VIPR2: variants seen among roughly 807,000 people sequenced by gnomAD.
The protein encoded by VIPR2 is vasoactive intestinal polypeptide receptor 2.
VIPR2 carries 48 observed loss-of-function variants against 58.0 expected under a neutral mutation model. The ratio of observed to expected loss-of-function variants is 0.83; its 90% CI spans 0.66 to 1.05. VIPR2 has a LOEUF of 1.05. VIPR2 is among the 50% of genes least tolerant of loss of function. VIPR2 has a pLI of 0.00. For missense variants in VIPR2, 534 were observed against 558.0 expected, an observed-to-expected ratio of 0.96 and a Z score of 0.43; for synonymous variants, 243 against 235.2, an observed-to-expected ratio of 1.03 and a Z score of -0.30.
intron 5 of VIPR2, among the ~76,000 whole-genome samples, chr7:159,050,662 A>T (rs1302189899): frequency 2.6e-5 from 4 of 152,128 alleles, no homozygotes; most frequent in Non-Finnish European, 4.4e-5. Flanking sequence ...AAAAATAGTA[A>T]TATAATACAT....
At chr7:159,125,753 C>G (rs1585548482) in intron 2 of VIPR2, among the ~76,000 whole-genome samples, 1 of 152,142 alleles carries the variant, frequency 6.6e-6, no homozygotes, top group East Asian at 1.9e-4. Flanking sequence ...TCCTGGACAC[C>G]TGGTGTCAGC....
At chr7:159,105,162 A>T (rs1028738512) in intron 3 of VIPR2, among the ~76,000 whole-genome samples, 2 of 152,180 alleles carry the variant, frequency 1.3e-5, no homozygotes, top group African/African-American at 4.8e-5. Flanking sequence ...AAGCTCTCGA[A>T]GGTGTCCGAG....
Position 159,058,545 on chromosome 7 carries a change from T to C in VIPR2, c.391A>G (p.Thr131Ala). Residue 131 changes from threonine to alanine, a missense_variant, in exon 5 of 13, where the codon ACA (threonine) becomes GCA (alanine). Thr to Ala is a moderately conservative substitution (Grantham distance 58). Coordinates refer to ENST00000262178, the MANE Select transcript of VIPR2 (RefSeq NM_003382.5). ...TFYILVKAIYTLGYSVSLMSL... is the reference protein window; with the variant it reads ...TFYILVKAIYALGYSVSLMSL... The stretch of plus-strand genomic sequence containing the variant: ...ATCAGAGAGACACTGTAGCCCAGTG[T>C]ATAAATGGCCTTCACCAGAATATAA... 4.3e-6 allele frequency: 7 copies of C among 1,613,292 alleles called. No individual in the cohort carries two copies. The highest frequency in any genetic ancestry group is 5.9e-6 in the Non-Finnish European group (7 of 1,179,348).
Position 159,098,491 on chromosome 7 carries a change from T to A in VIPR2, c.357+5266A>T, listed in dbSNP as rs1857999107. Among the ~76,000 whole-genome samples the A allele has an allele frequency of 6.6e-6, 1 of 152,130 alleles. No individual in the cohort carries two copies. The highest frequency in any genetic ancestry group is 6.5e-5 in the Admixed American group (1 of 15,274). On this transcript the variant is annotated intron_variant, in intron 4 of 12. Transcript: ENST00000262178. The surrounding 1 kb of genome is among the most constrained non-coding windows in gnomAD (Gnocchi z 5.2). ...GGAAGACCTTGGACAGGGAGACTGA[T>A]CCCTGGCTGGCTTATCTGCTTCAGG...
Position 159,095,352 on chromosome 7 carries a change from G to T in VIPR2, c.357+8405C>A, listed in dbSNP as rs1006493974. Among the ~76,000 whole-genome samples, 1 of 152,192 alleles carries T rather than the reference G, an allele frequency of 6.6e-6. No homozygotes were observed. Among genetic ancestry groups the T allele is most frequent in the African/African-American group, 2.4e-5 (1 of 41,460 alleles). ...TGTGCTGCACACACCCAGTGTGAGG[G>T]CCGGGCAAATGCTCACAGCCGGTGA... On this transcript the variant is annotated intron_variant, in intron 4 of 12. Coordinates refer to ENST00000262178, the MANE Select transcript of VIPR2 (RefSeq NM_003382.5). The surrounding 1 kb of genome is among the most constrained non-coding windows in gnomAD (Gnocchi z 5.2).
chr7:159,079,461 A>T (rs1247351998), intron 4 of VIPR2, among the ~76,000 whole-genome samples: 1 of 152,198 alleles, frequency 6.6e-6, no homozygotes, highest in African/African-American at 2.4e-5. Context: ...TCTGGGACAC[A>T]TTCAAAGCAG....
chr7:159,083,199 C>T (rs969823794), intron 4 of VIPR2, among the ~76,000 whole-genome samples: 2 of 152,232 alleles, frequency 1.3e-5, no homozygotes, highest in Middle Eastern at 3.2e-3. Flanking sequence ...GCAGCCTTGA[C>T]ACTCACTGGG....
At chr7:159,046,591 G>A (rs576941797) in intron 5 of VIPR2, among the ~76,000 whole-genome samples, 9 of 152,220 alleles carry the variant, frequency 5.9e-5, no homozygotes, top group Non-Finnish European at 1.2e-4. Flanking sequence ...GGAAGTTCGG[G>A]AACTAGCTAA....
At position 159,090,982 on chromosome 7, in the gene VIPR2, T is replaced by C. The variant is rs1420220047; in HGVS notation, c.357+12775A>G. 7.1e-4 allele frequency among the ~76,000 whole-genome samples: 47 copies of C among 66,158 alleles called. 3 individuals are homozygous for C. Among genetic ancestry groups the C allele is most frequent in the African/African-American group, 2.1e-3 (39 of 18,424 alleles). 43.4% of individuals were successfully genotyped at this position (66,158 alleles called of 152,430 possible). On this transcript the variant is annotated intron_variant, in intron 4 of 12. Transcript: ENST00000262178. Reference sequence around the variant, plus strand: ...CACAGGGGCCACCTCCTGCGACCATTGCAATCCCCGGTGACCTCAGCACAG... The same window carrying C: ...CACAGGGGCCACCTCCTGCGACCATCGCAATCCCCGGTGACCTCAGCACAG...
intron 10 of VIPR2, 128 bp downstream of exon 10, chr7:159,034,085 C>T: frequency 1.2e-6 from 1 of 850,226 alleles, no homozygotes. Flanking sequence ...CCCTGGGGCC[C>T]AGCCTCGAGG....
At chr7:159,079,033 A>C (rs1472874189) in intron 4 of VIPR2, among the ~76,000 whole-genome samples, 2 of 152,148 alleles carry the variant, frequency 1.3e-5, no homozygotes, top group Non-Finnish European at 2.9e-5. Flanking sequence ...TGAAGCCTTC[A>C]GTGTCCATGG....
At position 159,109,847 on chromosome 7, in the gene VIPR2, C is replaced by T. The variant is rs1795921701; in HGVS notation, c.224G>A (p.Cys75Tyr). The T allele has an allele frequency of 6.2e-7, 1 of 1,614,202 alleles. No individual in the cohort carries two copies. Among genetic ancestry groups the T allele is most frequent in the Non-Finnish European group, 8.5e-7 (1 of 1,180,044 alleles). ...ANVGETVTVPCPKVFSNFYSK... is the reference protein window; with the variant it reads ...ANVGETVTVPYPKVFSNFYSK... The stretch of plus-strand genomic sequence containing the variant: ...GTAAAAATTGCTGAAGACTTTTGGG[C>T]AGGGCACCGTGACGGTCTCTCCCAC... The change falls in exon 3 of 13, where the codon TGC becomes TAC. Residue 75 changes from cysteine (C) to tyrosine (Y), a missense_variant. Coordinates refer to ENST00000262178, the MANE Select transcript of VIPR2 (RefSeq NM_003382.5).
At chr7:159,086,329 T>C (rs554374030) in intron 4 of VIPR2, among the ~76,000 whole-genome samples, 4 of 152,286 alleles carry the variant, frequency 2.6e-5, no homozygotes, top group South Asian at 2.1e-4. Flanking sequence ...TGGAGTCCTA[T>C]GAAAATCAGA....
rs1406991496 is a variant in VIPR2, at chr7:159,093,611, G to A, written c.357+10146C>T. ...TCAGGATCCGAGATGGGAGCGAGGAGCTGTTCCACCCACAACAAGCAGGTG... is the reference window on the plus strand; with the variant it reads ...TCAGGATCCGAGATGGGAGCGAGGAACTGTTCCACCCACAACAAGCAGGTG... On this transcript the variant is annotated intron_variant, in intron 4 of 12. Coordinates refer to ENST00000262178, the MANE Select transcript of VIPR2 (RefSeq NM_003382.5). This position sits in a 1 kb window ranked among gnomAD's most constrained non-coding sequence, Gnocchi z 6.7. Among the ~76,000 whole-genome samples the A allele has an allele frequency of 6.6e-5, 10 of 152,194 alleles. No individual in the cohort carries two copies. The highest frequency in any genetic ancestry group is 6.5e-4 in the Admixed American group (10 of 15,278).
chr7:159,058,335 A>G, intron 5 of VIPR2, 146 bp downstream of exon 5: 1 of 671,396 alleles, frequency 1.5e-6, no homozygotes, highest in Non-Finnish European at 2.6e-6. Context: ...GTAAATGTTA[A>G]CATCATATTT....
In VIPR2 at chr7:159,096,787, C is replaced by G; in HGVS notation, c.357+6970G>C. 1 of 1,424,994 alleles carries G rather than the reference C, an allele frequency of 7.0e-7. No individual in the cohort carries two copies. The highest frequency in any genetic ancestry group is 9.2e-7 in the Non-Finnish European group (1 of 1,083,878). 88.3% of individuals were successfully genotyped at this position (1,424,994 alleles called of 1,614,324 possible). On this transcript the variant is annotated intron_variant, in intron 4 of 12. Transcript: ENST00000262178. This position sits in a 1 kb window ranked among gnomAD's most constrained non-coding sequence, Gnocchi z 5.5. ...ATTTCTGCCCCTGCCTGAGGTCAGT[C>G]TCGTGGCCCCCGCAGCAGCCACAGG...
intron 6 of VIPR2, among the ~76,000 whole-genome samples, chr7:159,041,971 G>A (rs73169216): frequency 0.1 from 15,831 of 152,070 alleles, 1,001 homozygotes; most frequent in East Asian, 0.19. Flanking sequence ...CCTGGGGAAC[G>A]GGGCTTGCCA....
At chr7:159,131,845 C>T (rs549993942) in intron 2 of VIPR2, among the ~76,000 whole-genome samples, 76 of 152,328 alleles carry the variant, frequency 5.0e-4, no homozygotes, top group African/African-American at 9.4e-4. Flanking sequence ...TCAACCTTGA[C>T]TGATTTGCAG....
At chr7:159,129,175 C>T (rs1194199836) in intron 2 of VIPR2, among the ~76,000 whole-genome samples, 1 of 137,494 alleles carries the variant, frequency 7.3e-6, no homozygotes, top group Non-Finnish European at 1.6e-5. Flanking sequence ...GGCCAGGTGA[C>T]CAGCTTCACA....
Sources: gnomAD v4.1 joint callset for allele counts (sites outside exome capture counted in the v4.1 genomes callset) on GRCh38, gnomAD v4.1.1 for gene constraint, Gnocchi (gnomAD v3.1) non-coding constraint, MANE v1.5 for transcripts, NCBI Gene and HGNC (gene_info 2026-07-23, HGNC 2026-07-21) for gene names.